HSPA8: variants seen among roughly 807,000 people sequenced by gnomAD.
HSPA8 encodes the protein heat shock cognate 71 kDa protein.
In HSPA8, 2 loss-of-function variants were observed where a neutral mutation model predicts 52.8. The ratio of observed to expected loss-of-function variants is 0.04; its 90% CI spans 0.02 to 0.12. The LOEUF is 0.12. Ranked by LOEUF, HSPA8 falls within the 10% of genes least tolerant of loss-of-function variation. The pLI is 1.00. For missense variants in HSPA8, 349 were observed against 800.5 expected, an observed-to-expected ratio of 0.44 and a Z score of 6.81; for synonymous variants, 436 against 274.0, an observed-to-expected ratio of 1.59 and a Z score of -5.84.
intron 1 of HSPA8, 150 bp from the exon 2 acceptor site, chr11:123,061,479 G>C: frequency 6.2e-6 from 4 of 649,716 alleles, no homozygotes; most frequent in South Asian, 5.6e-5. Flanking sequence ...GCGAGGTCCA[G>C]AACTAGTGCT....
Position 123,060,301 on chromosome 11 carries a change from C to T in HSPA8, c.412-33G>A, listed in dbSNP as rs1315041481. On this transcript the variant is annotated intron_variant, in intron 3 of 8. Transcript: ENST00000534624. ...TAAGGAAAAGACCACAGATTGGTAA[C>T]TATTATACTTACATATATGCAAACT... is the stretch of plus-strand genomic sequence containing the variant. 3.7e-5 allele frequency: 59 copies of T among 1,601,402 alleles called. No individual in the cohort carries two copies. In the Middle Eastern group the frequency reaches 1.2e-3, roughly 31 times the overall value.
intron 1 of HSPA8, chr11:123,061,557 G>A (rs1865503253): frequency 1.1e-5 from 6 of 566,860 alleles, no homozygotes; most frequent in Non-Finnish European, 1.9e-5. Context: ...TACCCAGACG[G>A]CGTGGGGCGT....
At chr11:123,060,534 G>A in intron 3 of HSPA8, 59 bp downstream of exon 3, 1 of 1,300,038 alleles carries the variant, frequency 7.7e-7, no homozygotes, top group Non-Finnish European at 1.1e-6. Flanking sequence ...AGTGCCCCCG[G>A]GAGTCATCGG....
chr11:123,061,479 G>A (rs750160745), intron 1 of HSPA8, 150 bp from the exon 2 acceptor site: 2 of 649,716 alleles, frequency 3.1e-6, no homozygotes, highest in East Asian at 2.7e-5. Flanking sequence ...GCGAGGTCCA[G>A]AACTAGTGCT....
Position 123,057,561 on chromosome 11 carries a change from G to A in HSPA8, c.*173C>T, listed in dbSNP as rs1312009835. 9.1e-6 allele frequency: 5 copies of A among 552,440 alleles called. No homozygotes were observed. Among genetic ancestry groups the A allele is most frequent in the Non-Finnish European group, 1.6e-5 (5 of 313,834 alleles). 34.2% of individuals were successfully genotyped at this position (552,440 alleles called of 1,614,324 possible). Reference sequence around the variant, plus strand: ...CCACTTACAATACAGTGTTTATAAAGTGCAATGTTATTTCCTTCCCCTGTG... The same window carrying A: ...CCACTTACAATACAGTGTTTATAAAATGCAATGTTATTTCCTTCCCCTGTG... On this transcript the variant is annotated 3_prime_UTR_variant, in exon 9 of 9. Transcript: ENST00000534624.
At position 123,057,918 on chromosome 11, in the gene HSPA8, G is replaced by C. The variant is rs963847272; in HGVS notation, c.1757C>G (p.Thr586Ser). 1.3e-6 allele frequency: 2 copies of C among 1,593,970 alleles called. No individual in the cohort carries two copies. The highest frequency in any genetic ancestry group is 1.4e-5 in the African/African-American group (1 of 73,818). ...EIINWLDKNQ[T>S]AEKEEFEHQQ... is the part of the protein sequence containing the mutation. ...ATGTTCAAATTCTTCCTTCTCAGCA[G>C]TCTGAGGAAGAGAAAAAGGAATTAC... Residue 586 changes from threonine to serine, a missense_variant and splice_region_variant, in exon 9 of 9, where the codon ACT (threonine) becomes AGT (serine). Thr to Ser is a moderately conservative substitution (Grantham distance 58, BLOSUM62 1). Transcript: ENST00000534624.
At chr11:123,060,988 T>C in intron 2 of HSPA8, 132 bp downstream of exon 2, 2 of 931,086 alleles carry the variant, frequency 2.1e-6, no homozygotes, top group Non-Finnish European at 1.7e-6. Flanking sequence ...CAACCTGTTT[T>C]ATAACAGACT....
In HSPA8 at chr11:123,058,354, T is replaced by G; in HGVS notation, c.1653A>C (p.Ala551=). 6.2e-7 allele frequency: 1 copy of G among 1,613,104 alleles called. No individual in the cohort carries two copies. The highest frequency in any genetic ancestry group is 8.5e-7 in the Non-Finnish European group (1 of 1,179,036). The change falls in exon 8 of 9, where the codon GCA becomes GCC. Residue 551 remains alanine, a synonymous_variant. Transcript: ENST00000534624. ...SLESYAFNMK[A]TVEDEKLQGK... ...CTTGAAGTTTCTCATCTTCAACAGT[T>G]GCTTTCATGTTGAAGGCATAGGACT...
rs745900938 is a variant in HSPA8, at chr11:123,061,328, T to A, written c.-4A>T. 1.2e-6 allele frequency: 2 copies of A among 1,611,402 alleles called. No individual in the cohort carries two copies. The highest frequency in any genetic ancestry group is 1.3e-5 in the African/African-American group (1 of 74,174). The stretch of plus-strand genomic sequence containing the variant: ...CAACTGCAGGTCCCTTGGACATGGT[T>A]GCTGAAAAAAAGAAAAATCTGGTTT... On this transcript the variant is annotated splice_region_variant and 5_prime_UTR_variant, in exon 2 of 9. Coordinates refer to ENST00000534624, the MANE Select transcript of HSPA8 (RefSeq NM_006597.6).
rs1452782915 is a variant in HSPA8 at position 123,058,900 on chromosome 11, G to T, written c.1324-70C>A. 5 of 1,492,412 alleles carry T rather than the reference G, an allele frequency of 3.4e-6. No homozygotes were observed. The Admixed American group carries it at 5.2e-5, about 16-fold the overall frequency. 92.4% of individuals were successfully genotyped at this position (1,492,412 alleles called of 1,614,324 possible). A position where few individuals can be genotyped will look rare whatever the true frequency, so the allele number is the denominator to read the frequency against. Reference sequence around the variant, plus strand: ...GTGACAGTGCTAGGGTCCTGCTAAGGAAGAATGGTCGCTCAAACATCCAAG... The same window carrying T: ...GTGACAGTGCTAGGGTCCTGCTAAGTAAGAATGGTCGCTCAAACATCCAAG... On this transcript the variant is annotated intron_variant, in intron 6 of 8. Transcript: ENST00000534624.
At position 123,060,527 on chromosome 11, in the gene HSPA8, G is replaced by GC. The variant is rs200633761; in HGVS notation, c.411+65dup. 2,085 of 1,216,290 alleles carry GC rather than the reference G, an allele frequency of 1.7e-3. 23 individuals carry two copies. In the African/African-American group the frequency reaches 0.028, roughly 16 times the overall value. 75.3% of individuals were successfully genotyped at this position (1,216,290 alleles called of 1,614,324 possible). A position where few individuals can be genotyped will look rare whatever the true frequency, so the allele number is the denominator to read the frequency against. ...TTCCCCTCCCTCGCCAGGTGCCAGT[G>GC]CCCCCGGGAGTCATCGGGCTTTTAA... On this transcript the variant is annotated intron_variant, in intron 3 of 8. Transcript: ENST00000534624.
At chr11:123,061,426 T>C (rs758850049) in intron 1 of HSPA8, 97 bp from the exon 2 acceptor site, 35 of 888,988 alleles carry the variant, frequency 3.9e-5, no homozygotes, top group South Asian at 1.8e-4. Flanking sequence ...GTATGGCCAC[T>C]GCCAAGAGGT....
chr11:123,059,730 TAGAG>T lies in HSPA8; in HGVS notation c.859_862del (p.Leu287MetfsTer18). ...GGAGGTATAGAAGTCGATTCCTTCA[TAGAG>T]AGAATCGATCTCAATACTGGCCTGG... On this transcript the variant is annotated frameshift_variant, in exon 5 of 9. Transcript: ENST00000534624. LOFTEE classifies it high-confidence loss of function. The T allele has an allele frequency of 6.2e-7, 1 of 1,613,886 alleles. No individual in the cohort carries two copies. Among genetic ancestry groups the T allele is most frequent in the Non-Finnish European group, 8.5e-7 (1 of 1,179,836 alleles).
Position 123,057,584 on chromosome 11 carries a change from G to C in HSPA8, c.*150C>G, listed in dbSNP as rs1865342312. On this transcript the variant is annotated 3_prime_UTR_variant, in exon 9 of 9. Transcript: ENST00000534624. ...AAGTGCAATGTTATTTCCTTCCCCTGTGCATATGTTCCATATTCAAGTATT... is the reference window on the plus strand; with the variant it reads ...AAGTGCAATGTTATTTCCTTCCCCTCTGCATATGTTCCATATTCAAGTATT... 2 of 581,462 alleles carry C rather than the reference G, an allele frequency of 3.4e-6. No individual in the cohort carries two copies. Among genetic ancestry groups the C allele is most frequent in the Non-Finnish European group, 6.1e-6 (2 of 330,044 alleles). 36.0% of individuals were successfully genotyped at this position (581,462 alleles called of 1,614,324 possible). A position where few individuals can be genotyped will look rare whatever the true frequency, so the allele number is the denominator to read the frequency against.
At position 123,058,273 on chromosome 11, in the gene HSPA8, G is replaced by C; in HGVS notation, c.1734C>G (p.Ile578Met). ...AAACCTGATTCTTATCAAGCCAGTT[G>C]ATAATTTCATTACACTTGTCCAGAA... is the stretch of plus-strand genomic sequence containing the variant. ...QKILDKCNEI[I>M]NWLDKNQTAE... Residue 578 changes from isoleucine to methionine, a missense_variant, in exon 8 of 9, where the codon ATC becomes ATG. By Grantham distance (10) the Ile-to-Met change is conservative. Transcript: ENST00000534624. 7.0e-7 allele frequency: 1 copy of C among 1,427,310 alleles called. No individual in the cohort carries two copies. The highest frequency in any genetic ancestry group is 9.9e-7 in the Non-Finnish European group (1 of 1,013,368). 88.4% of individuals were successfully genotyped at this position (1,427,310 alleles called of 1,614,324 possible).
At chr11:123,058,908 G>T in intron 6 of HSPA8, 78 bp from the exon 7 acceptor site, 1 of 1,469,982 alleles carries the variant, frequency 6.8e-7, no homozygotes, top group Non-Finnish European at 9.5e-7. Flanking sequence ...AGGAAGAATG[G>T]TCGCTCAAAC....
chr11:123,061,916 A>C (rs1865520229), intron 1 of HSPA8, 148 bp downstream of exon 1: 1 of 157,734 alleles, frequency 6.3e-6, no homozygotes, highest in African/African-American at 2.4e-5. Context: ...ATCCCACCGA[A>C]AACTGAGGCC....
rs543249357 is a variant in HSPA8 at position 123,058,586 on chromosome 11, G to A, written c.1522+46C>T. Reference sequence around the variant, plus strand: ...GCCCTTAGGCACCAGTAACTCAATTGAAATACCATTATCCCTGTCAAGACC... The same window carrying A: ...GCCCTTAGGCACCAGTAACTCAATTAAAATACCATTATCCCTGTCAAGACC... On this transcript the variant is annotated intron_variant, in intron 7 of 8. Coordinates refer to ENST00000534624, the MANE Select transcript of HSPA8 (RefSeq NM_006597.6). The A allele has an allele frequency of 1.0e-5, 16 of 1,581,156 alleles. No individual in the cohort carries two copies. In the South Asian group the frequency reaches 1.5e-4, roughly 15 times the overall value.
At chr11:123,058,529 G>C (rs1174672179) in intron 7 of HSPA8, 45 bp from the exon 8 acceptor site, 5 of 1,587,926 alleles carry the variant, frequency 3.1e-6, no homozygotes, top group East Asian at 2.2e-5. Flanking sequence ...AATTACCTGT[G>C]TATGTGTAAC....
Sources: allele counts gnomAD v4.1 joint callset, GRCh38; gene constraint gnomAD v4.1.1; transcripts MANE v1.5; gene names NCBI Gene and HGNC (gene_info 2026-07-23, HGNC 2026-07-21).